Variants in PDSS2 observed in about 807,000 individuals in gnomAD.
PDSS2 encodes the protein all trans-polyprenyl-diphosphate synthase PDSS2.
In PDSS2, 31 loss-of-function variants were observed where a neutral mutation model predicts 44.5. That is an observed-to-expected ratio of 0.70 (90% CI 0.52 to 0.94). The LOEUF (loss-of-function observed/expected upper bound fraction) is 0.94, where lower values mean the gene tolerates loss of function less well. PDSS2 is among the 40% of genes least tolerant of loss of function. The pLI, the probability that PDSS2 is intolerant of heterozygous loss-of-function variation, is 0.00. For missense variants in PDSS2, 452 were observed against 482.2 expected, an observed-to-expected ratio of 0.94 and a Z score of 0.59; for synonymous variants, 157 against 180.3, an observed-to-expected ratio of 0.87 and a Z score of 1.03.
At chr6:107,272,633 A>T (rs1029166069) in intron 3 of PDSS2, among the ~76,000 whole-genome samples, 5 of 152,198 alleles carry the variant, frequency 3.3e-5, no homozygotes, top group African/African-American at 1.2e-4. Flanking sequence ...TAACTGATAT[A>T]ACAAGAAATA....
intron 1 of PDSS2, among the ~76,000 whole-genome samples, chr6:107,375,247 A>G (rs1284811846): frequency 6.6e-6 from 1 of 152,038 alleles, no homozygotes; most frequent in Non-Finnish European, 1.5e-5. Context: ...AAAAATTGAT[A>G]AAACAGAAAA....
At chr6:107,364,904 C>G (rs1778916081) in intron 1 of PDSS2, among the ~76,000 whole-genome samples, 1 of 152,134 alleles carries the variant, frequency 6.6e-6, no homozygotes, top group African/African-American at 2.4e-5. Flanking sequence ...ACCATGGAGA[C>G]CAGAGAGCAG....
chr6:107,350,424 A>C (rs944542921), intron 1 of PDSS2, among the ~76,000 whole-genome samples: 4 of 152,246 alleles, frequency 2.6e-5, no homozygotes, highest in African/African-American at 9.6e-5. Flanking sequence ...TGAGAAGATA[A>C]AAATGTATTT....
At chr6:107,184,994 C>T (rs979197776) in intron 7 of PDSS2, among the ~76,000 whole-genome samples, 1 of 151,552 alleles carries the variant, frequency 6.6e-6, no homozygotes. Context: ...AGAGAAAGAC[C>T]AGTGCAGAGA....
At chr6:107,207,054 G>T (rs955100009) in intron 6 of PDSS2, among the ~76,000 whole-genome samples, 1 of 150,986 alleles carries the variant, frequency 6.6e-6, no homozygotes, top group Non-Finnish European at 1.5e-5. Flanking sequence ...GTGCAGTGGC[G>T]CGATCTCAGC....
At chr6:107,335,281 C>G (rs1777850091) in intron 1 of PDSS2, among the ~76,000 whole-genome samples, 1 of 151,816 alleles carries the variant, frequency 6.6e-6, no homozygotes, top group Admixed American at 6.6e-5. Flanking sequence ...ATCATTTGCT[C>G]TGGTAACAAG....
intron 6 of PDSS2, among the ~76,000 whole-genome samples, chr6:107,209,979 C>G (rs1773141402): frequency 6.6e-6 from 1 of 152,004 alleles, no homozygotes; most frequent in South Asian, 2.1e-4. Flanking sequence ...CTTTTTTCCC[C>G]CCCGCTTTGA....
chr6:107,317,299 TAACAGAAAA>T (rs1777231642), intron 2 of PDSS2, among the ~76,000 whole-genome samples: 1 of 151,892 alleles, frequency 6.6e-6, no homozygotes, highest in African/African-American at 2.4e-5. Flanking sequence ...TGTTCAGTAA[TAACAGAAAA>T]AAAGCACAAC....
chr6:107,342,254 T>C (rs1269697959), intron 1 of PDSS2, among the ~76,000 whole-genome samples: 1 of 151,880 alleles, frequency 6.6e-6, no homozygotes, highest in African/African-American at 2.4e-5. Flanking sequence ...CAACTCTCCA[T>C]CTTACACATC....
intron 1 of PDSS2, among the ~76,000 whole-genome samples, chr6:107,449,805 A>G (rs890746278): frequency 3.3e-5 from 5 of 152,180 alleles, no homozygotes; most frequent in African/African-American, 1.2e-4. Context: ...TCCTGGCCTC[A>G]AGTGATCCTC....
intron 2 of PDSS2, among the ~76,000 whole-genome samples, chr6:107,281,912 A>T (rs868220282): frequency 2.0e-5 from 3 of 151,846 alleles, no homozygotes; most frequent in African/African-American, 7.3e-5. Flanking sequence ...TTATTTATTT[A>T]TTTATTTTTT....
At chr6:107,356,488 G>A (rs2115355690) in intron 1 of PDSS2, among the ~76,000 whole-genome samples, 1 of 152,228 alleles carries the variant, frequency 6.6e-6, no homozygotes, top group Middle Eastern at 3.4e-3. Context: ...TTTTTCTGTA[G>A]CACACATCCA....
In PDSS2 at chr6:107,336,867, TGTGTGTGTGTGTG is replaced by T. The variant is rs1273911875; in HGVS notation, c.297-2548_297-2536del. Among the ~76,000 whole-genome samples the T allele has an allele frequency of 1.1e-3, 135 of 126,958 alleles. 3 individuals are homozygous for T. The South Asian group carries it at 0.039, about 37-fold the overall frequency. The allele number at this position is 126,958 out of a possible 152,430, so 83.3% of individuals were successfully genotyped here. A position where few individuals can be genotyped will look rare whatever the true frequency, so the allele number is the denominator to read the frequency against. On this transcript the variant is annotated intron_variant, in intron 1 of 7. Coordinates refer to ENST00000369037, the MANE Select transcript of PDSS2 (RefSeq NM_020381.4). ...GTGTGTGTGTGTGTGTGTGTGTGTGTGTGTGTGTGTGTGTTCGGGGCTGGGCCTGGTCAGGGAT... is the reference window on the plus strand; with the variant it reads ...GTGTGTGTGTGTGTGTGTGTGTGTGTTTCGGGGCTGGGCCTGGTCAGGGAT...
chr6:107,339,846 T>A (rs1359876526), intron 1 of PDSS2, among the ~76,000 whole-genome samples: 1 of 152,112 alleles, frequency 6.6e-6, no homozygotes, highest in East Asian at 1.9e-4. Context: ...CCATAAGAGG[T>A]TTGCTCTTTA....
chr6:107,369,830 C>G (rs1318352710), intron 1 of PDSS2, among the ~76,000 whole-genome samples: 1 of 152,024 alleles, frequency 6.6e-6, no homozygotes, highest in Non-Finnish European at 1.5e-5. Flanking sequence ...CATAGTGAGA[C>G]TCTGTCTCTA....
At chr6:107,157,171 C>T (rs1554245805) in intron 7 of PDSS2, among the ~76,000 whole-genome samples, 1 of 152,022 alleles carries the variant, frequency 6.6e-6, no homozygotes, top group East Asian at 1.9e-4. Flanking sequence ...CTTTTCCCCC[C>T]TTTTCCTCCT....
intron 3 of PDSS2, among the ~76,000 whole-genome samples, chr6:107,253,337 T>C (rs529721743): frequency 6.6e-6 from 1 of 152,322 alleles, no homozygotes; most frequent in South Asian, 2.1e-4. Flanking sequence ...CACCCGGCCA[T>C]GTTTGTGGTT....
chr6:107,256,807 C>T (rs1339036125), intron 3 of PDSS2, among the ~76,000 whole-genome samples: 1 of 151,874 alleles, frequency 6.6e-6, no homozygotes, highest in Non-Finnish European at 1.5e-5. Context: ...GTAGGAGAAG[C>T]CTCTGAGCCC....
chr6:107,243,504 T>C (rs1021624399), intron 4 of PDSS2, among the ~76,000 whole-genome samples: 1 of 152,248 alleles, frequency 6.6e-6, no homozygotes, highest in Non-Finnish European at 1.5e-5. Flanking sequence ...AATGCTTTCA[T>C]GTAAAAATTA....
Sources: allele counts gnomAD v4.1 joint callset (sites outside exome capture counted in the v4.1 genomes callset), GRCh38; gene constraint gnomAD v4.1.1; transcripts MANE v1.5; gene names NCBI Gene and HGNC (gene_info 2026-07-23, HGNC 2026-07-21).